The following CACNA2D2 variants were observed in gnomAD, a reference collection of about 807,000 sequenced individuals.
CACNA2D2 encodes calcium voltage-gated channel auxiliary subunit alpha2delta 2, also known as voltage-dependent calcium channel subunit alpha-2/delta-2.
CACNA2D2 carries 48 observed loss-of-function variants against 166.4 expected under a neutral mutation model. The ratio of observed to expected loss-of-function variants is 0.29; its 90% CI spans 0.23 to 0.37. CACNA2D2 has a LOEUF of 0.37. Among genes scored for constraint, CACNA2D2 ranks in the 10% least tolerant of loss-of-function variants. The pLI, the probability that CACNA2D2 is intolerant of heterozygous loss-of-function variation, is 1.00. For missense variants in CACNA2D2, 1,122 were observed against 1,433.0 expected, an observed-to-expected ratio of 0.78 and a Z score of 3.50; for synonymous variants, 561 against 573.7, an observed-to-expected ratio of 0.98 and a Z score of 0.32.
intron 2 of CACNA2D2, among the ~76,000 whole-genome samples, chr3:50,469,121 G>A (rs959449263): frequency 6.6e-6 from 1 of 152,000 alleles, no homozygotes; most frequent in Non-Finnish European, 1.5e-5. Context: ...GAGCCACCAC[G>A]CCCAGCTGTC....
rs773735745 is a variant in CACNA2D2, at chr3:50,381,136, A to C, written c.653-10T>G. On this transcript the variant is annotated splice_polypyrimidine_tract_variant and intron_variant, in intron 6 of 37. Transcript: ENST00000424201. ...TTGAGGATGACAGTGGCTGGGGGGAAGCGGGGAGCTGGGGTGGGGAGCACC... is the reference window on the plus strand; with the variant it reads ...TTGAGGATGACAGTGGCTGGGGGGACGCGGGGAGCTGGGGTGGGGAGCACC... 1.3e-6 allele frequency: 2 copies of C among 1,596,902 alleles called. No homozygotes were observed. Among genetic ancestry groups the C allele is most frequent in the Non-Finnish European group, 8.6e-7 (1 of 1,168,902 alleles).
At chr3:50,439,717 C>T (rs1049474377) in intron 2 of CACNA2D2, among the ~76,000 whole-genome samples, 2 of 152,224 alleles carry the variant, frequency 1.3e-5, no homozygotes, top group Non-Finnish European at 2.9e-5. Flanking sequence ...CAAGAGGCCA[C>T]AGGGTCTGCA....
chr3:50,453,335 G>A (rs1352632874), intron 2 of CACNA2D2, among the ~76,000 whole-genome samples: 7 of 152,186 alleles, frequency 4.6e-5, no homozygotes, highest in Non-Finnish European at 1.0e-4. Flanking sequence ...CCTACAGCAG[G>A]TCACCTGCTT....
At position 50,364,933 on chromosome 3, in the gene CACNA2D2, C is replaced by T. The variant is rs759565256; in HGVS notation, c.3246G>A (p.Pro1082=). The change falls in exon 37 of 38, where the codon CCG becomes CCA. Residue 1082 remains proline, a synonymous_variant. Coordinates refer to ENST00000424201, the MANE Select transcript of CACNA2D2 (RefSeq NM_006030.4). Reference sequence around the variant, plus strand: ...AGATGTGCGGGCCTCTCCGGTATCGCGGTCTCTGCACTAGCTCACACTGCT... The same window carrying T: ...AGATGTGCGGGCCTCTCCGGTATCGTGGTCTCTGCACTAGCTCACACTGCT... ...GPEQCELVQR[P]RYRRGPHICF... 3.1e-6 allele frequency: 5 copies of T among 1,613,138 alleles called. No individual in the cohort carries two copies. The highest frequency in any genetic ancestry group is 4.2e-6 in the Non-Finnish European group (5 of 1,179,888).
At chr3:50,479,287 A>C (rs1697941506) in intron 1 of CACNA2D2, among the ~76,000 whole-genome samples, 1 of 152,090 alleles carries the variant, frequency 6.6e-6, no homozygotes, top group Non-Finnish European at 1.5e-5. Context: ...CAGGCCACAC[A>C]CATGTCCTCC....
intron 3 of CACNA2D2, among the ~76,000 whole-genome samples, chr3:50,426,391 G>C (rs1707808373): frequency 6.6e-6 from 1 of 152,224 alleles, no homozygotes; most frequent in Non-Finnish European, 1.5e-5. Flanking sequence ...AAGGCCGTAG[G>C]GTGGGACAGG....
intron 6 of CACNA2D2, 81 bp from the exon 7 acceptor site, chr3:50,381,207 GCCC>G: frequency 6.6e-7 from 1 of 1,512,484 alleles, no homozygotes; most frequent in Non-Finnish European, 9.1e-7. Flanking sequence ...TCATGCCTGT[GCCC>G]CCATTTAGAA....
In CACNA2D2 at chr3:50,503,612, G is replaced by A. The variant is rs1170226305; in HGVS notation, c.-189C>T. ...GCGGGCTGCGCGCTGCTATCTCCCT[G>A]CAGCGCTGGCTCCAAGCGCTCTGAG... On this transcript the variant is annotated 5_prime_UTR_variant, in exon 1 of 38. Transcript: ENST00000424201. 5 of 163,784 alleles carry A rather than the reference G, an allele frequency of 3.1e-5. No individual in the cohort carries two copies. The highest frequency in any genetic ancestry group is 5.2e-5 in the Non-Finnish European group (4 of 76,268). The allele number at this position is 163,784 out of a possible 1,614,324, so 10.1% of individuals were successfully genotyped here. A position where few individuals can be genotyped will look rare whatever the true frequency, so the allele number is the denominator to read the frequency against.
chr3:50,467,432 G>A (rs1484712407), intron 2 of CACNA2D2, among the ~76,000 whole-genome samples: 1 of 152,160 alleles, frequency 6.6e-6, no homozygotes, highest in East Asian at 1.9e-4. Flanking sequence ...TCAGAGCCGG[G>A]ATCTGTCCCT....
intron 2 of CACNA2D2, among the ~76,000 whole-genome samples, chr3:50,460,039 C>T (rs969654235): frequency 2.6e-5 from 4 of 152,118 alleles, no homozygotes; most frequent in Non-Finnish European, 4.4e-5. Context: ...AGTCAACCCC[C>T]GACACCCCTG....
At chr3:50,484,020 G>A (rs376127806) in intron 1 of CACNA2D2, among the ~76,000 whole-genome samples, 37 of 152,240 alleles carry the variant, frequency 2.4e-4, no homozygotes, top group African/African-American at 8.7e-4. Context: ...CCAGCTGCGG[G>A]TGTGGCTAAG....
At chr3:50,431,347 G>A (rs1708052786) in intron 3 of CACNA2D2, among the ~76,000 whole-genome samples, 1 of 152,176 alleles carries the variant, frequency 6.6e-6, no homozygotes, top group Non-Finnish European at 1.5e-5. Flanking sequence ...GGGGATATGG[G>A]CAGAAGCATC....
chr3:50,384,076 G>T, intron 6 of CACNA2D2, 120 bp downstream of exon 6: 2 of 1,246,332 alleles, frequency 1.6e-6, no homozygotes, highest in African/African-American at 1.5e-5. Flanking sequence ...AATCTCAGGT[G>T]TAGGAGGCTG....
At chr3:50,390,381 G>A (rs1158698068) in intron 4 of CACNA2D2, among the ~76,000 whole-genome samples, 1 of 152,154 alleles carries the variant, frequency 6.6e-6, no homozygotes, top group Non-Finnish European at 1.5e-5. Flanking sequence ...ATATCAGGAT[G>A]AGGAGGCCTC....
In CACNA2D2 at chr3:50,379,281, A is replaced by G; in HGVS notation, c.1153-82T>C. The G allele has an allele frequency of 6.9e-7, 1 of 1,445,260 alleles. No homozygotes were observed. The highest frequency in any genetic ancestry group is 9.7e-7 in the Non-Finnish European group (1 of 1,033,378). The allele number at this position is 1,445,260 out of a possible 1,614,324, so 89.5% of individuals were successfully genotyped here. ...GGCCTCCCTCCCGCAGTGGGCCTGGACCTCTGGCCCTCCTCCCCCACAGCA... is the reference window on the plus strand; with the variant it reads ...GGCCTCCCTCCCGCAGTGGGCCTGGGCCTCTGGCCCTCCTCCCCCACAGCA... On this transcript the variant is annotated intron_variant, in intron 11 of 37. Coordinates refer to ENST00000424201, the MANE Select transcript of CACNA2D2 (RefSeq NM_006030.4). The surrounding 1 kb of genome is among the most constrained non-coding windows in gnomAD (Gnocchi z 6.5).
chr3:50,417,638 T>C (rs1707325892), intron 3 of CACNA2D2, among the ~76,000 whole-genome samples: 1 of 148,908 alleles, frequency 6.7e-6, no homozygotes, highest in African/African-American at 2.6e-5. Context: ...AAGGCATGCC[T>C]CCTCCTCCTC....
At chr3:50,396,158 T>C (rs1293647964) in intron 3 of CACNA2D2, among the ~76,000 whole-genome samples, 4 of 152,068 alleles carry the variant, frequency 2.6e-5, no homozygotes, top group African/African-American at 9.7e-5. Flanking sequence ...GACACTTCCC[T>C]GGAGTGACCC....
chr3:50,480,490 G>A (rs1367835104), intron 1 of CACNA2D2, among the ~76,000 whole-genome samples: 3 of 151,958 alleles, frequency 2.0e-5, no homozygotes, highest in African/African-American at 7.2e-5. Flanking sequence ...GGCTTGTGGG[G>A]AGGGGGCACT....
intron 3 of CACNA2D2, among the ~76,000 whole-genome samples, chr3:50,429,592 C>CAAAAAAAAAAAAAA (rs1160685582): frequency 1.9e-5 from 1 of 52,648 alleles, no homozygotes; most frequent in Admixed American, 2.6e-4. Flanking sequence ...ACTAAAAATA[C>CAAAAAAAAAAAAAA]AAAAAAAAAA....
Sources: gnomAD v4.1 joint callset for allele counts (sites outside exome capture counted in the v4.1 genomes callset) on GRCh38, gnomAD v4.1.1 for gene constraint, Gnocchi (gnomAD v3.1) non-coding constraint, MANE v1.5 for transcripts, NCBI Gene and HGNC (gene_info 2026-07-23, HGNC 2026-07-21) for gene names.